Variants in ZBTB25 observed in about 807,000 individuals in gnomAD.
ZBTB25 encodes zinc finger and BTB domain containing 25, also known as zinc finger and BTB domain-containing protein 25.
Under a neutral mutation model 34.2 loss-of-function variants are expected in ZBTB25, and 20 were observed. The observed-to-expected ratio is 0.58, with a 90% CI of 0.41 to 0.85. The LOEUF (loss-of-function observed/expected upper bound fraction) is 0.85, where lower values mean the gene tolerates loss of function less well. Ranked by LOEUF, ZBTB25 falls within the 40% of genes least tolerant of loss-of-function variation. The probability of loss-of-function intolerance (pLI) is 0.00; values close to 1 mark genes in which losing one functional copy is unlikely to be tolerated. For missense variants in ZBTB25, 437 were observed against 521.8 expected, an observed-to-expected ratio of 0.84 and a Z score of 1.58; for synonymous variants, 175 against 186.4, an observed-to-expected ratio of 0.94 and a Z score of 0.50.
chr14:64,454,577 C>A, intron 2 of ZBTB25: 1 of 670,004 alleles, frequency 1.5e-6, no homozygotes. Flanking sequence ...AATAAATAAG[C>A]TGGAGGACAG....
rs79168885 is a variant in ZBTB25, at chr14:64,491,055, T to C, written c.-7-515A>G. Among the ~76,000 whole-genome samples the C allele has an allele frequency of 9.6e-3, 1,461 of 152,312 alleles. 21 individuals are homozygous for C. Among genetic ancestry groups the C allele is most frequent in the African/African-American group, 0.034 (1,410 of 41,568 alleles). On this transcript the variant is annotated intron_variant, in intron 1 of 2. Transcript: ENST00000608382. Reference sequence around the variant, plus strand: ...CAGGGATCCTCTGGTGCTCAGGGGATACTGGCTTCCCAACTCTCATCAAAT... The same window carrying C: ...CAGGGATCCTCTGGTGCTCAGGGGACACTGGCTTCCCAACTCTCATCAAAT...
chr14:64,496,582 A>G (rs1596648532), intron 1 of ZBTB25, among the ~76,000 whole-genome samples: 1 of 152,236 alleles, frequency 6.6e-6, no homozygotes, highest in Non-Finnish European at 1.5e-5. Context: ...AGAAATTTTA[A>G]AATATTTAAA....
chr14:64,500,051 A>C (rs1439765700), intron 1 of ZBTB25, among the ~76,000 whole-genome samples: 3 of 152,212 alleles, frequency 2.0e-5, no homozygotes, highest in African/African-American at 7.2e-5. Flanking sequence ...AGTAAGCACA[A>C]ATTGTTAATA....
At chr14:64,498,982 C>T (rs973514336) in intron 1 of ZBTB25, among the ~76,000 whole-genome samples, 3 of 152,184 alleles carry the variant, frequency 2.0e-5, no homozygotes, top group Non-Finnish European at 4.4e-5. Context: ...CGTGACTGCT[C>T]AGTTAAGAAC....
intron 1 of ZBTB25, among the ~76,000 whole-genome samples, chr14:64,496,358 G>A (rs1017099839): frequency 1.3e-5 from 2 of 152,094 alleles, no homozygotes; most frequent in African/African-American, 4.8e-5. Context: ...AGTGGCGTGT[G>A]CCTGTAATCC....
At chr14:64,471,049 A>G (rs938733151) in intron 2 of ZBTB25, 1 of 167,226 alleles carries the variant, frequency 6.0e-6, no homozygotes, top group African/African-American at 2.4e-5. Context: ...GCTAAAGCAC[A>G]TTATAATTTA....
Position 64,486,039 on chromosome 14 carries a change from T to C in ZBTB25, c.*884A>G. 8.1e-6 allele frequency: 8 copies of C among 983,910 alleles called. No individual in the cohort carries two copies. The highest frequency in any genetic ancestry group is 9.7e-6 in the Non-Finnish European group (8 of 828,608). 60.9% of individuals were successfully genotyped at this position (983,910 alleles called of 1,614,324 possible). On this transcript the variant is annotated 3_prime_UTR_variant, in exon 3 of 3. Transcript: ENST00000608382. ...TTTATTAAAAATGAGATATACCACA[T>C]CTGTAATCCCAGCACTTTGGGAGGC...
intron 2 of ZBTB25, chr14:64,465,614 G>GT (rs939953113): frequency 6.6e-6 from 1 of 152,170 alleles, no homozygotes; most frequent in African/African-American, 2.4e-5. Context: ...GACGCCCTAC[G>GT]TAAGTAAAGG....
At chr14:64,503,600 G>A in intron 1 of ZBTB25, 61 bp downstream of exon 1, 16 of 985,728 alleles carry the variant, frequency 1.6e-5, no homozygotes, top group Non-Finnish European at 1.8e-5. Flanking sequence ...CGCCCTGGGT[G>A]GCTCGCGGCA....
chr14:64,461,610 G>T (rs1385079479), intron 2 of ZBTB25: 1 of 148,116 alleles, frequency 6.8e-6, no homozygotes, highest in Non-Finnish European at 1.5e-5. Flanking sequence ...GGGTAGGGGG[G>T]TTGGGACAAG....
At chr14:64,458,603 ACTCC>A in intron 2 of ZBTB25, 2 of 434,478 alleles carry the variant, frequency 4.6e-6, no homozygotes, top group South Asian at 4.3e-5. Flanking sequence ...GAGAGGTTAG[ACTCC>A]CTCTGCTGAA....
chr14:64,485,527 C>T lies in ZBTB25; in HGVS notation c.*1396G>A, dbSNP rs1292030218. 5.1e-6 allele frequency: 5 copies of T among 985,158 alleles called. No individual in the cohort carries two copies. In the Admixed American group the frequency reaches 2.5e-4, roughly 49 times the overall value. 61.0% of individuals were successfully genotyped at this position (985,158 alleles called of 1,614,324 possible). ...TATTTCTTTCATCAACTTTAATTTT[C>T]CTGGGGTTTTAGCTTTGTAAGTGTC... On this transcript the variant is annotated 3_prime_UTR_variant, in exon 3 of 3. Coordinates refer to ENST00000608382, the MANE Select transcript of ZBTB25 (RefSeq NM_006977.5).
rs904462215 is a variant in ZBTB25 at position 64,479,499 on chromosome 14, T to C, written c.*7424A>G. On this transcript the variant is annotated 3_prime_UTR_variant, in exon 3 of 3. Coordinates refer to ENST00000608382, the MANE Select transcript of ZBTB25 (RefSeq NM_006977.5). ...TGCCCCAATAGTTAGTCAAACATTA[T>C]TCTGGGTGTGTCCGTGAGGGTGTTC... is the stretch of plus-strand genomic sequence containing the variant. 3 of 152,310 alleles carry C rather than the reference T, an allele frequency of 2.0e-5. No individual in the cohort carries two copies. Among genetic ancestry groups the C allele is most frequent in the Non-Finnish European group, 2.9e-5 (2 of 68,104 alleles). 9.4% of individuals were successfully genotyped at this position (152,310 alleles called of 1,614,324 possible). A position where few individuals can be genotyped will look rare whatever the true frequency, so the allele number is the denominator to read the frequency against.
chr14:64,480,569 C>G lies in ZBTB25; in HGVS notation c.*6354G>C, dbSNP rs2078774904. 5.2e-6 allele frequency: 1 copy of G among 190,894 alleles called. No homozygotes were observed. Among genetic ancestry groups the G allele is most frequent in the South Asian group, 7.3e-5 (1 of 13,720 alleles). 11.8% of individuals were successfully genotyped at this position (190,894 alleles called of 1,614,324 possible). The stretch of plus-strand genomic sequence containing the variant: ...CTAGGAACACAACATTTGGCAAACA[C>G]TGATGTAAAATAAGAACACATTCTA... On this transcript the variant is annotated 3_prime_UTR_variant, in exon 3 of 3. Coordinates refer to ENST00000608382, the MANE Select transcript of ZBTB25 (RefSeq NM_006977.5).
chr14:64,465,193 C>T (rs2078597331), intron 2 of ZBTB25, among the ~76,000 whole-genome samples: 1 of 152,166 alleles, frequency 6.6e-6, no homozygotes, highest in African/African-American at 2.4e-5. Flanking sequence ...TCAGAAAACG[C>T]GGGGTTCATT....
At chr14:64,502,831 G>T (rs908023678) in intron 1 of ZBTB25, 3 of 970,488 alleles carry the variant, frequency 3.1e-6, no homozygotes, top group Non-Finnish European at 3.7e-6. Context: ...AAACGAGAGG[G>T]ATGAAACAGA....
intron 1 of ZBTB25, among the ~76,000 whole-genome samples, chr14:64,491,192 G>A (rs1354609339): frequency 1.3e-5 from 2 of 152,236 alleles, no homozygotes; most frequent in East Asian, 1.9e-4. Context: ...TTAAGCTGGC[G>A]CAGTGGCTCA....
At chr14:64,476,938 T>G (rs1289296233), downstream of ZBTB25, among the ~76,000 whole-genome samples, 3 of 152,212 alleles carry the variant, frequency 2.0e-5, no homozygotes, top group East Asian at 5.8e-4. Context: ...ACTTATATTT[T>G]TCTGAGTGGT....
At position 64,453,080 on chromosome 14, in the gene ZBTB25, T is replaced by C. The variant is rs535943597; in HGVS notation, c.174-3442A>G. On this transcript the variant is annotated intron_variant, in intron 2 of 2. Coordinates refer to the ZBTB25 transcript ENST00000555220. ...ATTATTCTTGGGTAGTCAGCAACAC[T>C]GTTTATGATGTACTTAGCGAGAGAT... 6.6e-5 allele frequency among the ~76,000 whole-genome samples: 10 copies of C among 152,050 alleles called. No homozygotes were observed. In the East Asian group the frequency reaches 1.9e-3, roughly 29 times the overall value.
Sources: allele counts gnomAD v4.1 joint callset (sites outside exome capture counted in the v4.1 genomes callset), GRCh38; gene constraint gnomAD v4.1.1; transcripts MANE v1.5; gene names NCBI Gene and HGNC (gene_info 2026-07-23, HGNC 2026-07-21).